Variants in RANBP2 observed in about 807,000 individuals in gnomAD.
RANBP2 encodes the protein E3 SUMO-protein ligase RanBP2.
In RANBP2, 57 loss-of-function variants were observed where a neutral mutation model predicts 303.6. The observed-to-expected ratio is 0.19, with a 90% CI of 0.15 to 0.23. RANBP2 has a LOEUF of 0.23. RANBP2 is among the 10% of genes least tolerant of loss of function. The probability of loss-of-function intolerance (pLI) is 1.00; values close to 1 mark genes in which losing one functional copy is unlikely to be tolerated. For missense variants in RANBP2, 3,138 were observed against 3,780.8 expected, an observed-to-expected ratio of 0.83 and a Z score of 4.46; for synonymous variants, 1,167 against 1,301.5, an observed-to-expected ratio of 0.90 and a Z score of 2.23.
chr2:109,635,648 C>T, the RANBP2 span, among the ~76,000 whole-genome samples: 8 of 152,282 alleles, frequency 5.3e-5, no homozygotes, highest in Middle Eastern at 6.8e-3. Flanking sequence ...CTGACCCTAC[C>T]TCGTCTCAGA....
At chr2:109,157,470 C>T in the RANBP2 span, among the ~76,000 whole-genome samples, 1 of 152,166 alleles carries the variant, frequency 6.6e-6, no homozygotes, top group Non-Finnish European at 1.5e-5. Context: ...AAAATATCTG[C>T]ATTTCCATAC....
chr2:109,474,109 A>G, the RANBP2 span, among the ~76,000 whole-genome samples: 5 of 152,066 alleles, frequency 3.3e-5, no homozygotes, highest in African/African-American at 1.2e-4. Context: ...GGCCGGGCTG[A>G]GGAAGGTGGC....
Position 108,769,954 on chromosome 2 carries a change from A to AT in RANBP2, c.7849+1577dup, listed in dbSNP as rs4012024. ...TACAATGATAAAGTAGCAATCTCTG[A>AT]TTTTTTTTTTTAAGTATACCAGTTT... On this transcript the variant is annotated intron_variant, in intron 20 of 28. Coordinates refer to ENST00000283195, the MANE Select transcript of RANBP2 (RefSeq NM_006267.5). 2.8e-4 allele frequency among the ~76,000 whole-genome samples: 42 copies of AT among 149,978 alleles called. No homozygotes were observed. The East Asian group carries it at 4.1e-3, about 15-fold the overall frequency.
chr2:108,810,398 A>G, the RANBP2 span, among the ~76,000 whole-genome samples: 1 of 152,196 alleles, frequency 6.6e-6, no homozygotes, highest in Non-Finnish European at 1.5e-5. Context: ...TGTCTATTGA[A>G]ATGATCGTAA....
chr2:109,466,973 GTCTT>G, the RANBP2 span, among the ~76,000 whole-genome samples: 1 of 152,148 alleles, frequency 6.6e-6, no homozygotes, highest in African/African-American at 2.4e-5. Context: ...GTGTGTGTAT[GTCTT>G]CATACTCTGT....
the RANBP2 span, among the ~76,000 whole-genome samples, chr2:108,808,027 T>A: frequency 6.6e-6 from 1 of 152,216 alleles, no homozygotes; most frequent in Non-Finnish European, 1.5e-5. Context: ...GAGATCAACT[T>A]GTTTTTTAGC....
At chr2:109,520,887 G>A in the RANBP2 span, among the ~76,000 whole-genome samples, 9 of 98,306 alleles carry the variant, frequency 9.2e-5, 2 homozygotes, top group South Asian at 3.8e-4. Flanking sequence ...AGCCAAGATC[G>A]CGCCACTGCA....
the RANBP2 span, among the ~76,000 whole-genome samples, chr2:109,337,198 A>G: frequency 6.6e-6 from 1 of 152,166 alleles, no homozygotes; most frequent in Admixed American, 6.5e-5. Context: ...GATTGGCCAC[A>G]TGATTTAAAG....
chr2:108,941,136 G>A, the RANBP2 span, among the ~76,000 whole-genome samples: 3 of 152,184 alleles, frequency 2.0e-5, no homozygotes, highest in African/African-American at 7.2e-5. Context: ...TATAATACCT[G>A]TGATGCGTCT....
At chr2:108,921,967 G>C in the RANBP2 span, among the ~76,000 whole-genome samples, 1 of 152,370 alleles carries the variant, frequency 6.6e-6, no homozygotes, top group South Asian at 2.1e-4. Context: ...GGCAAGGGCT[G>C]GGGGTGGGAG....
the RANBP2 span, among the ~76,000 whole-genome samples, chr2:109,619,423 C>T: frequency 1.6e-3 from 245 of 152,220 alleles, 2 homozygotes; most frequent in Middle Eastern, 0.02. Context: ...GTAGGAATAC[C>T]GTTTTTCATT....
the RANBP2 span, among the ~76,000 whole-genome samples, chr2:109,270,133 G>A: frequency 3.3e-5 from 5 of 152,352 alleles, no homozygotes; most frequent in African/African-American, 1.2e-4. Context: ...CCTCCCAGCA[G>A]TCTCAGCCCC....
At chr2:109,662,299 T>C in the RANBP2 span, among the ~76,000 whole-genome samples, 3 of 152,120 alleles carry the variant, frequency 2.0e-5, no homozygotes, top group African/African-American at 7.2e-5. Flanking sequence ...TCTTTCTTTT[T>C]TTAAAAAACA....
At chr2:109,273,795 C>T in the RANBP2 span, among the ~76,000 whole-genome samples, 1 of 152,088 alleles carries the variant, frequency 6.6e-6, no homozygotes, top group Admixed American at 6.5e-5. Context: ...TGACTGAAAT[C>T]CAGATATGCT....
the RANBP2 span, chr2:108,929,416 G>T: frequency 6.2e-7 from 1 of 1,607,164 alleles, no homozygotes. Flanking sequence ...ACAGGTGAGT[G>T]CAGCAGCCAA....
At chr2:108,879,798 A>G in the RANBP2 span, among the ~76,000 whole-genome samples, 2,119 of 152,252 alleles carry the variant, frequency 0.014, 35 homozygotes, top group Non-Finnish European at 0.019. Context: ...GGGAATTTGC[A>G]ATACTAGATT....
the RANBP2 span, among the ~76,000 whole-genome samples, chr2:109,452,635 T>A: frequency 1.3e-5 from 2 of 152,130 alleles, no homozygotes; most frequent in African/African-American, 4.8e-5. Context: ...TATCCCTGTG[T>A]GTGGAGAAGG....
At chr2:109,087,912 CTG>C in the RANBP2 span, among the ~76,000 whole-genome samples, 1 of 152,198 alleles carries the variant, frequency 6.6e-6, no homozygotes, top group Admixed American at 6.5e-5. Context: ...GCAGACCAGA[CTG>C]TGAATTCCGG....
chr2:108,908,952 G>T, the RANBP2 span, among the ~76,000 whole-genome samples: 8 of 152,218 alleles, frequency 5.3e-5, no homozygotes, highest in African/African-American at 1.9e-4. Context: ...CAAGGAGGTG[G>T]TAGGACCCAT....
Sources: allele counts gnomAD v4.1 joint callset (sites outside exome capture counted in the v4.1 genomes callset), GRCh38; gene constraint gnomAD v4.1.1; transcripts MANE v1.5; gene names NCBI Gene and HGNC (gene_info 2026-07-23, HGNC 2026-07-21).